SKIC3: variants seen among roughly 807,000 people sequenced by gnomAD.
SKIC3 encodes SKI3 subunit of superkiller complex.
chr5:95,487,615 CAG>C, the SKIC3 span, among the ~76,000 whole-genome samples: 13 of 152,182 alleles, frequency 8.5e-5, no homozygotes, highest in Non-Finnish European at 1.6e-4. Context: ...CCAAAGAAAT[CAG>C]AGACTACATT....
At chr5:95,536,860 T>C in the SKIC3 span, 1 of 1,613,708 alleles carries the variant, frequency 6.2e-7, no homozygotes, top group South Asian at 1.1e-5. Flanking sequence ...ATGGATACTG[T>C]ACAGTAGGAT....
At chr5:95,550,295 G>A in the SKIC3 span, among the ~76,000 whole-genome samples, 67 of 151,680 alleles carry the variant, frequency 4.4e-4, no homozygotes, top group African/African-American at 1.6e-3. Context: ...TTGAGGCTAT[G>A]AAACCTTAAA....
chr5:95,523,698 G>C, the SKIC3 span: 1 of 1,613,616 alleles, frequency 6.2e-7, no homozygotes, highest in African/African-American at 1.3e-5. Context: ...TGCAGCTCCA[G>C]ATTCAGCATC....
chr5:95,513,545 C>T, the SKIC3 span: 3 of 1,607,270 alleles, frequency 1.9e-6, no homozygotes, highest in Non-Finnish European at 2.6e-6. Flanking sequence ...TTAATGAATC[C>T]TCAAGAAGAA....
chr5:95,472,334 T>G, the SKIC3 span, among the ~76,000 whole-genome samples: 21 of 152,200 alleles, frequency 1.4e-4, no homozygotes, highest in Non-Finnish European at 2.5e-4. Flanking sequence ...GACCATTCTC[T>G]CCCAGAAACA....
At chr5:95,549,695 A>T in the SKIC3 span, among the ~76,000 whole-genome samples, 1 of 152,020 alleles carries the variant, frequency 6.6e-6, no homozygotes, top group African/African-American at 2.4e-5. Context: ...TTGTAAAAAG[A>T]CAAAATAATC....
the SKIC3 span, among the ~76,000 whole-genome samples, chr5:95,535,042 T>C: frequency 1.3e-5 from 2 of 152,322 alleles, no homozygotes; most frequent in East Asian, 3.9e-4. Flanking sequence ...ATTTTTTCAT[T>C]CATCTGTTCC....
the SKIC3 span, chr5:95,503,110 A>G: frequency 1.7e-6 from 2 of 1,201,976 alleles, no homozygotes; most frequent in Middle Eastern, 4.9e-4. Context: ...AAATACAATT[A>G]TATCTTTGTA....
chr5:95,523,491 T>C, the SKIC3 span, among the ~76,000 whole-genome samples: 1 of 152,172 alleles, frequency 6.6e-6, no homozygotes, highest in African/African-American at 2.4e-5. Flanking sequence ...AGTAATTTAA[T>C]ATCTGCCAAT....
At chr5:95,544,121 T>C in the SKIC3 span, among the ~76,000 whole-genome samples, 4 of 152,214 alleles carry the variant, frequency 2.6e-5, no homozygotes, top group Non-Finnish European at 4.4e-5. Flanking sequence ...GTCCCTAATA[T>C]GCAGTACAAG....
the SKIC3 span, chr5:95,517,098 G>T: frequency 6.2e-7 from 1 of 1,613,446 alleles, no homozygotes; most frequent in South Asian, 1.1e-5. Flanking sequence ...TTGTTACAAT[G>T]CCTTAATTCA....
At chr5:95,515,080 G>T in the SKIC3 span, 1 of 684,764 alleles carries the variant, frequency 1.5e-6, no homozygotes, top group Non-Finnish European at 2.5e-6. Context: ...GCTTAAAGCA[G>T]TGTTTTAACT....
chr5:95,523,291 T>C, the SKIC3 span: 3 of 1,613,832 alleles, frequency 1.9e-6, no homozygotes, highest in East Asian at 4.5e-5. Context: ...CACTTGCCTT[T>C]TGAGTTACTG....
At chr5:95,468,136 G>T in the SKIC3 span, 1 of 1,032,862 alleles carries the variant, frequency 9.7e-7, no homozygotes, top group Non-Finnish European at 1.4e-6. Flanking sequence ...AACAATAAAG[G>T]TAATAATGGT....
the SKIC3 span, among the ~76,000 whole-genome samples, chr5:95,509,381 G>A: frequency 6.6e-6 from 1 of 152,284 alleles, no homozygotes; most frequent in African/African-American, 2.4e-5. Context: ...TCAGCAAAGC[G>A]AGAGGGGTTC....
chr5:95,506,135 T>C, the SKIC3 span, among the ~76,000 whole-genome samples: 8 of 152,220 alleles, frequency 5.3e-5, no homozygotes, highest in Non-Finnish European at 1.2e-4. Context: ...AGTATTTTTT[T>C]CAACTTTTAA....
the SKIC3 span, among the ~76,000 whole-genome samples, chr5:95,477,453 T>C: frequency 6.6e-6 from 1 of 152,210 alleles, no homozygotes; most frequent in South Asian, 2.1e-4. Context: ...AGAGTTACTT[T>C]AGGGCTGTCT....
At chr5:95,516,153 G>T in the SKIC3 span, among the ~76,000 whole-genome samples, 2 of 152,028 alleles carry the variant, frequency 1.3e-5, no homozygotes. Context: ...TTTCTTGAAG[G>T]TCATAAAAAG....
chr5:95,474,213 G>A, the SKIC3 span, among the ~76,000 whole-genome samples: 5 of 152,268 alleles, frequency 3.3e-5, 1 homozygote, highest in South Asian at 1.0e-3. Context: ...AAGATCAGAT[G>A]GTTGTAGGTG....
Sources: allele counts gnomAD v4.1 joint callset (sites outside exome capture counted in the v4.1 genomes callset), GRCh38; gene constraint gnomAD v4.1.1; transcripts MANE v1.5; gene names NCBI Gene and HGNC (gene_info 2026-07-23, HGNC 2026-07-21).